The following LTB variants were observed in gnomAD, a reference collection of about 807,000 sequenced individuals.
The protein encoded by LTB is lymphotoxin beta.
In LTB, 17 loss-of-function variants were observed where a neutral mutation model predicts 14.7. That is an observed-to-expected ratio of 1.16 (90% confidence interval 0.79 to 1.73). The LOEUF (loss-of-function observed/expected upper bound fraction) is 1.73. LTB is among the 40% of genes most tolerant of loss of function. LTB has a pLI of 0.00. For synonymous variants in LTB, 163 were observed against 157.3 expected (o/e 1.04, Z -0.27); for missense variants, 288 against 324.3 (o/e 0.89, Z 0.86).
Position 31,580,895 on chromosome 6 carries a change from C to A in LTB, c.549G>T (p.Glu183Asp). 6.3e-7 allele frequency: 1 copy of A among 1,597,680 alleles called. No individual in the cohort carries two copies. Residue 183 changes from glutamate to aspartate, a missense_variant, in exon 4 of 4, where the codon GAG becomes GAT. Physicochemically the swap from Glu to Asp is conservative, Grantham distance 45 (BLOSUM62 2). Coordinates refer to ENST00000429299, the MANE Select transcript of LTB (RefSeq NM_002341.2). This position sits in a 1 kb window ranked among gnomAD's most constrained non-coding sequence, Gnocchi z 6.6. ...CCGGGTCCAGCACTGGAGTCACCGT[C>A]TCGGCGCCCTCGAGCAGCAGCTCGG... is the stretch of plus-strand genomic sequence containing the variant. ...GTPELLLEGA[E>D]TVTPVLDPAR...
chr6:31,581,185 C>A (rs759356743), intron 3 of LTB, 22 bp from the exon 4 acceptor site: 2 of 1,513,348 alleles, frequency 1.3e-6, no homozygotes, highest in Non-Finnish European at 1.8e-6. Flanking sequence ...CGGGCCGACG[C>A]GCTCTTGGGA....
intron 1 of LTB, 79 bp downstream of exon 1, chr6:31,582,177 A>G (rs1771592691): frequency 6.4e-7 from 1 of 1,564,150 alleles, no homozygotes; most frequent in African/African-American, 1.4e-5. Context: ...AGAGGGGGCA[A>G]AAGACCACAG....
At position 31,580,897 on chromosome 6, in the gene LTB, C is replaced by A; in HGVS notation, c.547G>T (p.Glu183Ter). 1 of 1,597,790 alleles carries A rather than the reference C, an allele frequency of 6.3e-7. No homozygotes were observed. The change falls in exon 4 of 4, where the codon GAG becomes TAG. Residue 183 changes from glutamate (E) to a stop codon, truncating the protein, a stop_gained. Transcript: ENST00000429299. LOFTEE classifies it high-confidence loss of function. The surrounding 1 kb of genome is among the most constrained non-coding windows in gnomAD (Gnocchi z 6.6). ...GGGTCCAGCACTGGAGTCACCGTCT[C>A]GGCGCCCTCGAGCAGCAGCTCGGGA... ...GTPELLLEGA[E>*]TVTPVLDPAR...
chr6:31,581,582 C>T lies in LTB; in HGVS notation c.257G>A (p.Gly86Glu). 6.2e-7 allele frequency: 1 copy of T among 1,612,892 alleles called. No homozygotes were observed. The highest frequency in any genetic ancestry group is 8.5e-7 in the Non-Finnish European group (1 of 1,179,988). ...EEEPETDLSP[G>E]LPAAHLIGAP... ...ACCTATGAGGTGGGCAGCTGGGAGCCCGGGGCTGAGATCTGTTTCTGGCTC... is the reference window on the plus strand; with the variant it reads ...ACCTATGAGGTGGGCAGCTGGGAGCTCGGGGCTGAGATCTGTTTCTGGCTC... The change falls in exon 3 of 4, where the codon GGG becomes GAG. Residue 86 changes from glycine to glutamate, a missense_variant. By Grantham distance (98) the Gly-to-Glu change is moderately conservative. This residue lies in a region of LTB where 284 missense variants were observed against 299.2 expected (regional missense o/e 0.95). Transcript: ENST00000429299.
At chr6:31,582,192 A>G in intron 1 of LTB, 64 bp downstream of exon 1, 1 of 1,592,176 alleles carries the variant, frequency 6.3e-7, no homozygotes, top group Non-Finnish European at 8.6e-7. Context: ...CCACAGGCAC[A>G]ACCAGAGGGA....
chr6:31,580,996 C>A lies in LTB; in HGVS notation c.448G>T (p.Gly150Trp). The change falls in exon 4 of 4, where the codon GGG becomes TGG. Residue 150 changes from glycine to tryptophan, a missense_variant. Transcript: ENST00000429299. This position sits in a 1 kb window ranked among gnomAD's most constrained non-coding sequence, Gnocchi z 6.6. ...GTGACCGAGCGGCCCTGGGGGTCCC[C>A]GCCGCCAGGGGGCGCCCGGCCCCGG... ...GYRGRAPPGG[G>W]DPQGRSVTLR... 1 of 1,565,198 alleles carries A rather than the reference C, an allele frequency of 6.4e-7. No individual in the cohort carries two copies. Among genetic ancestry groups the A allele is most frequent in the Non-Finnish European group, 8.7e-7 (1 of 1,155,276 alleles).
At position 31,582,292 on chromosome 6, in the gene LTB, A is replaced by C. The variant is rs1289016155; in HGVS notation, c.126T>G (p.Ala42=). The C allele has an allele frequency of 1.2e-6, 2 of 1,613,016 alleles. No homozygotes were observed. ...LLLAVPITVL[A]VLALVPQDQG... ...GATCCTGGGGCACTAAGGCCAGCAC[A>C]GCCAGGACAGTGATAGGCACCGCCA... is the stretch of plus-strand genomic sequence containing the variant. Residue 42 remains alanine (A), a synonymous_variant, in exon 1 of 4, where the codon GCT becomes GCG. Transcript: ENST00000429299.
At chr6:31,581,300 G>T in intron 3 of LTB, 137 bp from the exon 4 acceptor site, 1 of 831,154 alleles carries the variant, frequency 1.2e-6, no homozygotes, top group Non-Finnish European at 1.8e-6. Context: ...TCTGGGATGA[G>T]TGCGAGTTGG....
intron 3 of LTB, 43 bp from the exon 4 acceptor site, chr6:31,581,206 A>G (rs769538375): frequency 6.7e-7 from 1 of 1,494,354 alleles, no homozygotes; most frequent in Non-Finnish European, 8.9e-7. Flanking sequence ...ATGCGATCCT[A>G]AAGGCTTGGG....
chr6:31,582,083 C>T (rs543486002), intron 1 of LTB, 173 bp downstream of exon 1: 6 of 841,024 alleles, frequency 7.1e-6, no homozygotes, highest in African/African-American at 1.7e-5. Flanking sequence ...TGTCGGGACA[C>T]AAGCACAACA....
intron 3 of LTB, 81 bp from the exon 4 acceptor site, chr6:31,581,244 C>A (rs1205260843): frequency 1.5e-6 from 2 of 1,363,488 alleles, no homozygotes; most frequent in Non-Finnish European, 2.0e-6. Flanking sequence ...GGCTTTTAGC[C>A]CCTGCGGGAG....
Position 31,580,688 on chromosome 6 carries a change from G to A in LTB, c.*21C>T. The A allele has an allele frequency of 6.3e-7, 1 of 1,581,122 alleles. No homozygotes were observed. Among genetic ancestry groups the A allele is most frequent in the Admixed American group, 1.7e-5 (1 of 58,428 alleles). On this transcript the variant is annotated 3_prime_UTR_variant, in exon 4 of 4. Transcript: ENST00000429299. This position sits in a 1 kb window ranked among gnomAD's most constrained non-coding sequence, Gnocchi z 6.6. The stretch of plus-strand genomic sequence containing the variant: ...CCGGGCCCCCAATATTCACGCACTC[G>A]CACCACGCACTCATATTCCCTCACC...
At chr6:31,581,221 CT>C (rs1312540885) in intron 3 of LTB, 58 bp from the exon 4 acceptor site, 3 of 1,462,476 alleles carry the variant, frequency 2.1e-6, no homozygotes, top group Non-Finnish European at 2.7e-6. Flanking sequence ...CTTGGGACTT[CT>C]GGGGAAGTGG....
intron 1 of LTB, 152 bp from the exon 2 acceptor site, chr6:31,582,011 T>A (rs576076186): frequency 1.2e-6 from 1 of 854,264 alleles, no homozygotes; most frequent in African/African-American, 1.7e-5. Context: ...AAGCAAGGCA[T>A]AGGTACTTGG....
intron 1 of LTB, 35 bp downstream of exon 1, chr6:31,582,221 A>G: frequency 1.2e-6 from 2 of 1,609,602 alleles, no homozygotes; most frequent in South Asian, 1.1e-5. Context: ...TCCGCAAGAT[A>G]CAACTCTCCA....
chr6:31,581,555 T>C lies in LTB; in HGVS notation c.280+4A>G, dbSNP rs774039337. On this transcript the variant is annotated splice_donor_region_variant and intron_variant, in intron 3 of 3. Transcript: ENST00000429299. ...ACTCTTATTCAGGTCTTGGAGGTCC[T>C]TACCTATGAGGTGGGCAGCTGGGAG... 1.2e-6 allele frequency: 2 copies of C among 1,612,640 alleles called. No individual in the cohort carries two copies. Among genetic ancestry groups the C allele is most frequent in the African/African-American group, 2.7e-5 (2 of 75,008 alleles).
rs1459733797 is a variant in LTB at position 31,580,715 on chromosome 6, C to T, written c.729G>A (p.Val243=). 6.2e-7 allele frequency: 1 copy of T among 1,609,210 alleles called. No individual in the cohort carries two copies. Among genetic ancestry groups the T allele is most frequent in the South Asian group, 1.1e-5 (1 of 90,754 alleles). The change falls in exon 4 of 4, where the codon GTG becomes GTA. Residue 243 remains valine, a synonymous_variant. Transcript: ENST00000429299. The surrounding 1 kb of genome is among the most constrained non-coding windows in gnomAD (Gnocchi z 6.6). The part of the protein sequence containing the change: ...RGKTFFGAVM[V]G ...ACCACGCACTCATATTCCCTCACCC[C>T]ACCATCACGGCCCCAAAGAAGGTCT...
chr6:31,581,176 G>A lies in LTB; in HGVS notation c.281-13C>T. The A allele has an allele frequency of 4.6e-6, 7 of 1,517,656 alleles. No homozygotes were observed. Among genetic ancestry groups the A allele is most frequent in the South Asian group, 2.6e-5 (2 of 76,382 alleles). The allele number at this position is 1,517,656 out of a possible 1,614,324, so 94.0% of individuals were successfully genotyped here. On this transcript the variant is annotated splice_polypyrimidine_tract_variant and intron_variant, in intron 3 of 3. Transcript: ENST00000429299. The stretch of plus-strand genomic sequence containing the variant: ...TTCAGCGGAGCGCCTGCGGAGACAC[G>A]GGCCGACGCGCTCTTGGGAATGCGA...
intron 3 of LTB, 80 bp from the exon 4 acceptor site, chr6:31,581,243 C>T: frequency 7.3e-7 from 1 of 1,365,886 alleles, no homozygotes. Flanking sequence ...CGGCTTTTAG[C>T]CCCTGCGGGA....
Sources: allele counts gnomAD v4.1 joint callset, GRCh38; gene constraint gnomAD v4.1.1; regional missense constraint gnomAD v4.1.1; non-coding constraint Gnocchi (gnomAD v3.1); transcripts MANE v1.5; gene names NCBI Gene and HGNC (gene_info 2026-07-23, HGNC 2026-07-21).